KIRREL3: variants seen among roughly 807,000 people sequenced by gnomAD.
KIRREL3 encodes kirre like nephrin family adhesion molecule 3.
A neutral mutation model predicts 89.7 loss-of-function variants in KIRREL3; 36 were observed. The ratio of observed to expected loss-of-function variants is 0.40; its 90% CI spans 0.31 to 0.53. The LOEUF (loss-of-function observed/expected upper bound fraction) is 0.53. Among genes scored for constraint, KIRREL3 ranks in the 20% least tolerant of loss-of-function variants. KIRREL3 has a pLI of 0.49. For missense variants in KIRREL3, 864 were observed against 1,056.6 expected (o/e 0.82, Z 2.53); for synonymous variants, 445 against 441.4 (o/e 1.01, Z -0.10).
At position 126,995,430 on chromosome 11, in the gene KIRREL3, G is replaced by A; in HGVS notation, c.55+5025C>T. ...TTCAGTGCCTCTCTGTTTCTTGATG[G>A]ACCCCAATAAAAAAACGCCTGCACT... On this transcript the variant is annotated intron_variant, in intron 1 of 16. Transcript: ENST00000525144. The surrounding 1 kb of genome is among the most constrained non-coding windows in gnomAD (Gnocchi z 6.5). 1 of 416,274 alleles carries A rather than the reference G, an allele frequency of 2.4e-6. No homozygotes were observed. Among genetic ancestry groups the A allele is most frequent in the African/African-American group, 2.1e-5 (1 of 48,162 alleles). The allele number at this position is 416,274 out of a possible 1,614,324, so 25.8% of individuals were successfully genotyped here.
At chr11:126,824,349 G>T (rs1381613434) in intron 1 of KIRREL3, among the ~76,000 whole-genome samples, 2 of 152,324 alleles carry the variant, frequency 1.3e-5, no homozygotes, top group African/African-American at 2.4e-5. Context: ...TCACAGAAAT[G>T]ATTTCATTTC....
At position 126,879,180 on chromosome 11, in the gene KIRREL3, A is replaced by T. The variant is rs1286851886; in HGVS notation, c.55+121275T>A. Among the ~76,000 whole-genome samples, 1 of 152,212 alleles carries T rather than the reference A, an allele frequency of 6.6e-6. No homozygotes were observed. The highest frequency in any genetic ancestry group is 1.5e-5 in the Non-Finnish European group (1 of 68,036). The stretch of plus-strand genomic sequence containing the variant: ...AGAGGGAAACTGGAGCTCATCACGG[A>T]GGTAATGTACAGGGAACCTATAACC... On this transcript the variant is annotated intron_variant, in intron 1 of 16. Transcript: ENST00000525144. This position sits in a 1 kb window ranked among gnomAD's most constrained non-coding sequence, Gnocchi z 5.4.
In KIRREL3 at chr11:126,562,762, C is replaced by T; in HGVS notation, c.133+73G>A. 7.7e-7 allele frequency: 1 copy of T among 1,293,392 alleles called. No homozygotes were observed. Among genetic ancestry groups the T allele is most frequent in the Middle Eastern group, 1.9e-4 (1 of 5,366 alleles). The allele number at this position is 1,293,392 out of a possible 1,614,324, so 80.1% of individuals were successfully genotyped here. On this transcript the variant is annotated intron_variant, in intron 2 of 16. Transcript: ENST00000525144. The surrounding 1 kb of genome is among the most constrained non-coding windows in gnomAD (Gnocchi z 4.7). ...TCCCAGGTTCTTATTCCTGGTTCCT[C>T]TGTCCTGTGGCTGTAGGGGAGAGCT... is the stretch of plus-strand genomic sequence containing the variant.
chr11:126,968,838 C>T (rs1170428108), intron 1 of KIRREL3, among the ~76,000 whole-genome samples: 3 of 152,054 alleles, frequency 2.0e-5, no homozygotes, highest in Admixed American at 6.6e-5. Context: ...AGATGAAAGT[C>T]CCAGTCCCAC....
At position 126,537,783 on chromosome 11, in the gene KIRREL3, C is replaced by T. The variant is rs1217654887; in HGVS notation, c.134-11096G>A. Among the ~76,000 whole-genome samples, 1 of 152,238 alleles carries T rather than the reference C, an allele frequency of 6.6e-6. No homozygotes were observed. The highest frequency in any genetic ancestry group is 1.5e-5 in the Non-Finnish European group (1 of 68,050). On this transcript the variant is annotated intron_variant, in intron 2 of 16. Transcript: ENST00000525144. The surrounding 1 kb of genome is among the most constrained non-coding windows in gnomAD (Gnocchi z 4.3). ...ATGAGAGGTTTTATATGTAAATGATCTTGGTAGACAGGTGTTTCACAAAGG... is the reference window on the plus strand; with the variant it reads ...ATGAGAGGTTTTATATGTAAATGATTTTGGTAGACAGGTGTTTCACAAAGG...
rs961046369 is a variant in KIRREL3, at chr11:126,892,517, G to A, written c.55+107938C>T. Among the ~76,000 whole-genome samples the A allele has an allele frequency of 6.6e-6, 1 of 152,200 alleles. No individual in the cohort carries two copies. Among genetic ancestry groups the A allele is most frequent in the Non-Finnish European group, 1.5e-5 (1 of 68,034 alleles). On this transcript the variant is annotated intron_variant, in intron 1 of 16. Coordinates refer to ENST00000525144, the MANE Select transcript of KIRREL3 (RefSeq NM_032531.4). The surrounding 1 kb of genome is among the most constrained non-coding windows in gnomAD (Gnocchi z 5.4). ...CTTAAGGAAGAAAAAAAGCAACCCT[G>A]AGAAAATGATTTTCTTTTCACAGCC...
In KIRREL3 at chr11:126,666,664, T is replaced by A. The variant is rs1468192732; in HGVS notation, c.56-103752A>T. On this transcript the variant is annotated intron_variant, in intron 1 of 16. Coordinates refer to ENST00000525144, the MANE Select transcript of KIRREL3 (RefSeq NM_032531.4). This position sits in a 1 kb window ranked among gnomAD's most constrained non-coding sequence, Gnocchi z 4.2. ...CAACTTGGCTTATTTTTTTACTGCATGATATGAACACTTAGGGTTAAACAG... is the reference window on the plus strand; with the variant it reads ...CAACTTGGCTTATTTTTTTACTGCAAGATATGAACACTTAGGGTTAAACAG... Among the ~76,000 whole-genome samples, 5 of 152,226 alleles carry A rather than the reference T, an allele frequency of 3.3e-5. No individual in the cohort carries two copies. The highest frequency in any genetic ancestry group is 1.2e-4 in the African/African-American group (5 of 41,470).
intron 1 of KIRREL3, among the ~76,000 whole-genome samples, chr11:126,660,054 T>G (rs1350769582): frequency 1.3e-5 from 2 of 152,136 alleles, no homozygotes; most frequent in Non-Finnish European, 2.9e-5. Flanking sequence ...GCGCAGCTTG[T>G]GGAGTGGCTT....
chr11:126,578,915 C>T lies in KIRREL3; in HGVS notation c.56-16003G>A, dbSNP rs1406650766. Among the ~76,000 whole-genome samples, 2 of 152,192 alleles carry T rather than the reference C, an allele frequency of 1.3e-5. No homozygotes were observed. The highest frequency in any genetic ancestry group is 2.1e-4 in the South Asian group (1 of 4,830). The stretch of plus-strand genomic sequence containing the variant: ...GCAAAATACTTTTCACACACTCTCT[C>T]ACTTATCCTCACCATGCCTAGAGAT... On this transcript the variant is annotated intron_variant, in intron 1 of 16. Transcript: ENST00000525144. The surrounding 1 kb of genome is among the most constrained non-coding windows in gnomAD (Gnocchi z 4.9).
Position 126,441,060 on chromosome 11 carries a change from C to G in KIRREL3, c.1253-511G>C, listed in dbSNP as rs1469909977. ...GGAGCTGCTCGGCCAGACGGGCCAA[C>G]GGGAAGAAATGGTTGCTGTCCCTCT... On this transcript the variant is annotated intron_variant, in intron 10 of 16. Transcript: ENST00000525144. This position sits in a 1 kb window ranked among gnomAD's most constrained non-coding sequence, Gnocchi z 5.0. Among the ~76,000 whole-genome samples the G allele has an allele frequency of 6.6e-6, 1 of 152,194 alleles. No individual in the cohort carries two copies. The highest frequency in any genetic ancestry group is 1.5e-5 in the Non-Finnish European group (1 of 68,038).
chr11:126,986,693 G>T (rs1949877101), intron 1 of KIRREL3, among the ~76,000 whole-genome samples: 1 of 152,210 alleles, frequency 6.6e-6, no homozygotes, highest in African/African-American at 2.4e-5. Flanking sequence ...TGGCATAGCT[G>T]CTGTGTTCCA....
At chr11:126,726,961 G>C (rs974158282) in intron 1 of KIRREL3, among the ~76,000 whole-genome samples, 2 of 152,200 alleles carry the variant, frequency 1.3e-5, no homozygotes, top group Non-Finnish European at 2.9e-5. Context: ...GAGGTCAGCT[G>C]CTTCTTTCTC....
rs765783401 is a variant in KIRREL3, at chr11:126,761,424, A to G, written c.56-198512T>C. Among the ~76,000 whole-genome samples the G allele has an allele frequency of 2.6e-5, 4 of 152,188 alleles. No individual in the cohort carries two copies. Among genetic ancestry groups the G allele is most frequent in the Non-Finnish European group, 5.9e-5 (4 of 68,034 alleles). ...CAGCAAAGGGCAGTGTCCAGAGTCC[A>G]TTCTTCCTGCCTCATCACTGAGGAG... is the stretch of plus-strand genomic sequence containing the variant. On this transcript the variant is annotated intron_variant, in intron 1 of 16. Coordinates refer to ENST00000525144, the MANE Select transcript of KIRREL3 (RefSeq NM_032531.4). This position sits in a 1 kb window ranked among gnomAD's most constrained non-coding sequence, Gnocchi z 4.4.
At chr11:126,920,937 T>C (rs1487234207) in intron 1 of KIRREL3, among the ~76,000 whole-genome samples, 1 of 152,228 alleles carries the variant, frequency 6.6e-6, no homozygotes, top group Non-Finnish European at 1.5e-5. Flanking sequence ...CTTGACTGAA[T>C]TATGCGATAC....
chr11:126,921,999 C>CTATT (rs770199378), intron 1 of KIRREL3, among the ~76,000 whole-genome samples: 1 of 144,852 alleles, frequency 6.9e-6, no homozygotes, highest in Non-Finnish European at 1.5e-5. Context: ...ATCTATCTAT[C>CTATT]TATCTATCAT....
Position 126,724,643 on chromosome 11 carries a change from G to A in KIRREL3, c.56-161731C>T, listed in dbSNP as rs1455186830. On this transcript the variant is annotated intron_variant, in intron 1 of 16. Transcript: ENST00000525144. This position sits in a 1 kb window ranked among gnomAD's most constrained non-coding sequence, Gnocchi z 4.3. ...CATGTCGAGATTGAATTCAGGTATAGTTTTAGCTGCCTTCCTTCTTGAAAC... is the reference window on the plus strand; with the variant it reads ...CATGTCGAGATTGAATTCAGGTATAATTTTAGCTGCCTTCCTTCTTGAAAC... Among the ~76,000 whole-genome samples, 1 of 152,196 alleles carries A rather than the reference G, an allele frequency of 6.6e-6. No individual in the cohort carries two copies. The highest frequency in any genetic ancestry group is 1.5e-5 in the Non-Finnish European group (1 of 68,038).
chr11:126,954,239 T>C lies in KIRREL3; in HGVS notation c.55+46216A>G, dbSNP rs1418250647. 6.6e-6 allele frequency among the ~76,000 whole-genome samples: 1 copy of C among 151,612 alleles called. No individual in the cohort carries two copies. Among genetic ancestry groups the C allele is most frequent in the Admixed American group, 6.6e-5 (1 of 15,208 alleles). Reference sequence around the variant, plus strand: ...CCTGGACTCAAGGATTATAGAGGAATTCTGGGAAGCTTTCATCAGGCCTCT... The same window carrying C: ...CCTGGACTCAAGGATTATAGAGGAACTCTGGGAAGCTTTCATCAGGCCTCT... On this transcript the variant is annotated intron_variant, in intron 1 of 16. Coordinates refer to ENST00000525144, the MANE Select transcript of KIRREL3 (RefSeq NM_032531.4). The surrounding 1 kb of genome is among the most constrained non-coding windows in gnomAD (Gnocchi z 4.1).
At position 126,905,780 on chromosome 11, in the gene KIRREL3, T is replaced by A. The variant is rs1002512640; in HGVS notation, c.55+94675A>T. On this transcript the variant is annotated intron_variant, in intron 1 of 16. Transcript: ENST00000525144. This position sits in a 1 kb window ranked among gnomAD's most constrained non-coding sequence, Gnocchi z 5.0. ...ACAGAGCCCTATCTGCCGCTGCCAG[T>A]TCGGGCGGATGCCTAACGAGCACAC... is the stretch of plus-strand genomic sequence containing the variant. Among the ~76,000 whole-genome samples, 3 of 152,180 alleles carry A rather than the reference T, an allele frequency of 2.0e-5. No individual in the cohort carries two copies. Among genetic ancestry groups the A allele is most frequent in the Admixed American group, 1.3e-4 (2 of 15,284 alleles).
rs1945588695 is a variant in KIRREL3, at chr11:126,664,947, C to T, written c.56-102035G>A. Among the ~76,000 whole-genome samples, 2 of 152,204 alleles carry T rather than the reference C, an allele frequency of 1.3e-5. No homozygotes were observed. Among genetic ancestry groups the T allele is most frequent in the South Asian group, 2.1e-4 (1 of 4,832 alleles). The stretch of plus-strand genomic sequence containing the variant: ...CAGAATGAACTGTGCTCTTACTCTG[C>T]AGCCTTCGACACATTATTCATAACA... On this transcript the variant is annotated intron_variant, in intron 1 of 16. Coordinates refer to ENST00000525144, the MANE Select transcript of KIRREL3 (RefSeq NM_032531.4). This position sits in a 1 kb window ranked among gnomAD's most constrained non-coding sequence, Gnocchi z 5.4.
Sources: allele counts gnomAD v4.1 joint callset (sites outside exome capture counted in the v4.1 genomes callset), GRCh38; gene constraint gnomAD v4.1.1; non-coding constraint Gnocchi (gnomAD v3.1); transcripts MANE v1.5; gene names NCBI Gene and HGNC (gene_info 2026-07-23, HGNC 2026-07-21).